Variants in ADGRL3 observed in about 807,000 individuals in gnomAD.
ADGRL3 encodes adhesion G protein-coupled receptor L3, also known as calcium-independent alpha-latrotoxin receptor 3.
ADGRL3 carries 62 observed loss-of-function variants against 153.5 expected under a neutral mutation model. The observed-to-expected ratio is 0.40, with a 90% CI of 0.33 to 0.50. The LOEUF is 0.50. Among genes scored for constraint, ADGRL3 ranks in the 20% least tolerant of loss-of-function variants. ADGRL3 has a pLI of 0.47. For missense variants in ADGRL3, 1,641 were observed against 1,859.4 expected (o/e 0.88, Z 2.16); for synonymous variants, 710 against 672.5 (o/e 1.06, Z -0.86).
chr4:61,935,067 A>T, intron 14 of ADGRL3, 44 bp downstream of exon 14: 1 of 1,547,336 alleles, frequency 6.5e-7, no homozygotes, highest in Non-Finnish European at 8.9e-7. Context: ...ACTCTTGTAT[A>T]TCAGAAGAGG....
intron 13 of ADGRL3, among the ~76,000 whole-genome samples, chr4:61,934,359 G>A (rs551592929): frequency 1.3e-5 from 2 of 152,182 alleles, no homozygotes; most frequent in Non-Finnish European, 2.9e-5. Context: ...TGCTATGTGA[G>A]TCATCAACCT....
At chr4:61,676,132 ATTC>A (rs2095183328) in intron 5 of ADGRL3, among the ~76,000 whole-genome samples, 1 of 151,914 alleles carries the variant, frequency 6.6e-6, no homozygotes, top group Non-Finnish European at 1.5e-5. Flanking sequence ...GTATGTCATT[ATTC>A]TTTTTATAAA....
chr4:62,008,559 G>A (rs530973485), intron 21 of ADGRL3, among the ~76,000 whole-genome samples: 18 of 151,818 alleles, frequency 1.2e-4, no homozygotes, highest in Non-Finnish European at 2.4e-4. Flanking sequence ...GTTGAAAAAC[G>A]TTTATCTACC....
At chr4:61,884,138 T>A (rs1249875269) in intron 9 of ADGRL3, among the ~76,000 whole-genome samples, 1 of 152,236 alleles carries the variant, frequency 6.6e-6, no homozygotes, top group Non-Finnish European at 1.5e-5. Context: ...TAAATTAATC[T>A]TATAGTTCCC....
chr4:61,628,812 G>A (rs533323343), intron 5 of ADGRL3, among the ~76,000 whole-genome samples: 3 of 152,176 alleles, frequency 2.0e-5, no homozygotes, highest in Non-Finnish European at 4.4e-5. Context: ...AGCTCAGGGA[G>A]AGCCCTGTAT....
intron 5 of ADGRL3, among the ~76,000 whole-genome samples, chr4:61,594,373 C>T (rs1310196556): frequency 6.6e-6 from 1 of 152,082 alleles, no homozygotes; most frequent in Admixed American, 6.6e-5. Flanking sequence ...AGGTGTTCTT[C>T]AGTGTTTGGT....
At chr4:62,028,639 G>A (rs1720250010) in intron 21 of ADGRL3, among the ~76,000 whole-genome samples, 1 of 151,580 alleles carries the variant, frequency 6.6e-6, no homozygotes. Flanking sequence ...GTCTTAGAAG[G>A]GATATTGCAG....
At chr4:61,672,681 G>A (rs2095048325) in intron 5 of ADGRL3, among the ~76,000 whole-genome samples, 1 of 152,018 alleles carries the variant, frequency 6.6e-6, no homozygotes, top group Non-Finnish European at 1.5e-5. Flanking sequence ...GATAAGTGTT[G>A]ATGACAATGT....
intron 8 of ADGRL3, among the ~76,000 whole-genome samples, chr4:61,804,685 G>T (rs1339117357): frequency 6.6e-6 from 1 of 152,018 alleles, no homozygotes; most frequent in Admixed American, 6.6e-5. Context: ...CTTCTTTAAG[G>T]TCTACTGACT....
intron 5 of ADGRL3, among the ~76,000 whole-genome samples, chr4:61,639,345 T>A (rs2093565815): frequency 6.6e-6 from 1 of 152,102 alleles, no homozygotes; most frequent in Admixed American, 6.6e-5. Context: ...TAATGTAGTA[T>A]ATGAATAAAT....
chr4:61,545,287 T>C (rs1166561460), intron 4 of ADGRL3, among the ~76,000 whole-genome samples: 1 of 152,186 alleles, frequency 6.6e-6, no homozygotes, highest in Non-Finnish European at 1.5e-5. Flanking sequence ...CCCCTCCTTG[T>C]AGGGCCAACC....
chr4:62,053,402 G>A (rs1029489166), intron 25 of ADGRL3, among the ~76,000 whole-genome samples: 2 of 151,504 alleles, frequency 1.3e-5, no homozygotes, highest in Non-Finnish European at 3.0e-5. Context: ...AAGTTTAATT[G>A]TTTATGTGAT....
At chr4:61,777,194 G>T (rs553075721) in intron 8 of ADGRL3, among the ~76,000 whole-genome samples, 1 of 152,044 alleles carries the variant, frequency 6.6e-6, no homozygotes. Context: ...TTAGCCGGGC[G>T]TGGTGGCGGG....
intron 2 of ADGRL3, among the ~76,000 whole-genome samples, chr4:61,458,342 GC>G (rs1385351225): frequency 6.6e-6 from 1 of 150,858 alleles, no homozygotes; most frequent in African/African-American, 2.4e-5. Flanking sequence ...TTACTTTGAT[GC>G]TTGTTTTTTA....
At chr4:61,307,746 G>C (rs1270952228) in intron 1 of ADGRL3, among the ~76,000 whole-genome samples, 2 of 152,056 alleles carry the variant, frequency 1.3e-5, no homozygotes, top group Non-Finnish European at 2.9e-5. Flanking sequence ...ACCAATGTGA[G>C]GTGCATTTAA....
chr4:61,682,107 C>G (rs934568901), intron 6 of ADGRL3, among the ~76,000 whole-genome samples: 1 of 151,886 alleles, frequency 6.6e-6, no homozygotes, highest in Non-Finnish European at 1.5e-5. Context: ...TAAAAATATA[C>G]ATTATATAAA....
intron 5 of ADGRL3, among the ~76,000 whole-genome samples, chr4:61,617,054 A>G (rs2092083322): frequency 2.0e-5 from 3 of 152,268 alleles, no homozygotes; most frequent in African/African-American, 7.2e-5. Context: ...GGTACAGTGA[A>G]CACTCCTTAT....
intron 1 of ADGRL3, among the ~76,000 whole-genome samples, chr4:61,380,266 G>A (rs1035457238): frequency 1.3e-5 from 2 of 151,870 alleles, no homozygotes; most frequent in African/African-American, 4.8e-5. Flanking sequence ...TCCACAACTG[G>A]AATGCAGAGG....
intron 5 of ADGRL3, among the ~76,000 whole-genome samples, chr4:61,655,067 C>A (rs1053894672): frequency 2.6e-5 from 4 of 152,136 alleles, no homozygotes; most frequent in East Asian, 1.9e-4. Context: ...GTGACTCTTA[C>A]TATCAGCTGT....
Sources: allele counts gnomAD v4.1 joint callset (sites outside exome capture counted in the v4.1 genomes callset), GRCh38; gene constraint gnomAD v4.1.1; transcripts MANE v1.5; gene names NCBI Gene and HGNC (gene_info 2026-07-23, HGNC 2026-07-21).